ANO2: variants seen among roughly 807,000 people sequenced by gnomAD.
The protein encoded by ANO2 is anoctamin 2, also known as anoctamin-2.
ANO2 carries 101 observed loss-of-function variants against 124.2 expected under a neutral mutation model. The observed-to-expected ratio is 0.81, with a 90% CI of 0.69 to 0.96. ANO2 has a LOEUF of 0.96. Among genes scored for constraint, ANO2 ranks in the 40% least tolerant of loss-of-function variants. The probability of loss-of-function intolerance (pLI) is 0.00; values close to 1 mark genes in which losing one functional copy is unlikely to be tolerated. For missense variants in ANO2, 1,293 were observed against 1,274.5 expected (o/e 1.01, Z -0.22); for synonymous variants, 486 against 482.5 (o/e 1.01, Z -0.09).
At chr12:5,822,164 G>A (rs1412689033) in intron 7 of ANO2, among the ~76,000 whole-genome samples, 1 of 152,220 alleles carries the variant, frequency 6.6e-6, no homozygotes, top group African/African-American at 2.4e-5. Flanking sequence ...CACTTTGCAA[G>A]CAAGGAGAAA....
intron 3 of ANO2, among the ~76,000 whole-genome samples, chr12:5,920,659 A>T (rs1228198331): frequency 6.6e-6 from 1 of 152,094 alleles, no homozygotes; most frequent in Non-Finnish European, 1.5e-5. Context: ...AGGTCGGGAG[A>T]TCGAGACCAT....
rs1472245537 is a variant in ANO2 at position 5,900,922 on chromosome 12, C to A, written c.534+20118G>T. On this transcript the variant is annotated intron_variant, in intron 3 of 24. Transcript: ENST00000682330. The surrounding 1 kb of genome is among the most constrained non-coding windows in gnomAD (Gnocchi z 4.2). ...GGTCTCAGTCTAGGTCATTCCCCTG[C>A]CGGCAGCACTTTGATGGCTTTTTGT... Among the ~76,000 whole-genome samples, 1 of 152,206 alleles carries A rather than the reference C, an allele frequency of 6.6e-6. No homozygotes were observed. Among genetic ancestry groups the A allele is most frequent in the Non-Finnish European group, 1.5e-5 (1 of 68,052 alleles).
At chr12:5,923,100 A>G (rs1234021700) in intron 1 of ANO2, among the ~76,000 whole-genome samples, 1 of 40,216 alleles carries the variant, frequency 2.5e-5, no homozygotes, top group African/African-American at 4.5e-5. Context: ...ACACGCACAC[A>G]CATACACACA....
chr12:5,732,452 G>T, intron 14 of ANO2, 68 bp downstream of exon 14: 1 of 1,396,624 alleles, frequency 7.2e-7, no homozygotes, highest in Non-Finnish European at 9.9e-7. Context: ...ACTAAGGCGT[G>T]CCAAACAAAA....
At chr12:5,629,241 C>T (rs1945577473) in intron 16 of ANO2, among the ~76,000 whole-genome samples, 1 of 152,220 alleles carries the variant, frequency 6.6e-6, no homozygotes, top group Admixed American at 6.5e-5. Flanking sequence ...GAAAAGGAGG[C>T]AGCAAGCCAA....
chr12:5,686,978 T>A (rs1948736539), intron 14 of ANO2, among the ~76,000 whole-genome samples: 1 of 152,188 alleles, frequency 6.6e-6, no homozygotes, highest in Non-Finnish European at 1.5e-5. Flanking sequence ...AGAGGACATA[T>A]GGGTGTGCAT....
At chr12:5,813,172 T>G (rs1385863877) in intron 7 of ANO2, among the ~76,000 whole-genome samples, 1 of 152,084 alleles carries the variant, frequency 6.6e-6, no homozygotes, top group East Asian at 1.9e-4. Flanking sequence ...ATGCCAAATG[T>G]TCATACAATA....
chr12:5,565,511 C>A, intron 24 of ANO2, 47 bp downstream of exon 24: 1 of 1,476,746 alleles, frequency 6.8e-7, no homozygotes. Flanking sequence ...TGTCCTTACT[C>A]CTGCAGCCCG....
intron 3 of ANO2, among the ~76,000 whole-genome samples, chr12:5,901,990 G>T (rs1328338231): frequency 1.3e-5 from 2 of 152,198 alleles, no homozygotes; most frequent in East Asian, 1.9e-4. Flanking sequence ...ATCTTAGGAA[G>T]AACTTCCTCC....
At chr12:5,932,257 A>T (rs1200319179) in intron 1 of ANO2, among the ~76,000 whole-genome samples, 1 of 151,258 alleles carries the variant, frequency 6.6e-6, no homozygotes, top group African/African-American at 2.4e-5. Flanking sequence ...AAGGTAGACT[A>T]GTAAGGAAGG....
chr12:5,696,942 G>A (rs1168104146), intron 14 of ANO2, among the ~76,000 whole-genome samples: 1 of 152,172 alleles, frequency 6.6e-6, no homozygotes, highest in Non-Finnish European at 1.5e-5. Context: ...AATAGGAACA[G>A]ATGGAAACTT....
chr12:5,670,113 C>T (rs2136985904), intron 14 of ANO2, among the ~76,000 whole-genome samples: 1 of 152,284 alleles, frequency 6.6e-6, no homozygotes. Flanking sequence ...ATTTGGAAAC[C>T]ATGGTTCTAG....
intron 19 of ANO2, among the ~76,000 whole-genome samples, chr12:5,606,961 A>C (rs1944250428): frequency 6.6e-6 from 1 of 152,178 alleles, no homozygotes. Context: ...GAATCAACTA[A>C]AGATGATAAA....
intron 3 of ANO2, among the ~76,000 whole-genome samples, chr12:5,857,793 G>C (rs1363423164): frequency 6.6e-6 from 1 of 151,950 alleles, no homozygotes; most frequent in African/African-American, 2.4e-5. Flanking sequence ...TAGATAGATA[G>C]ATAGATAGAT....
At chr12:5,733,061 C>A in intron 13 of ANO2, 1 of 674,514 alleles carries the variant, frequency 1.5e-6, no homozygotes, top group Non-Finnish European at 2.7e-6. Flanking sequence ...GCTGGAGAAA[C>A]AGATGTGCCC....
intron 10 of ANO2, among the ~76,000 whole-genome samples, chr12:5,773,574 C>T (rs1204805999): frequency 6.6e-6 from 1 of 152,210 alleles, no homozygotes; most frequent in African/African-American, 2.4e-5. Flanking sequence ...TCATCTTTAT[C>T]ATCGTGCTAA....
At chr12:5,927,886 G>A (rs1206316683) in intron 1 of ANO2, among the ~76,000 whole-genome samples, 5 of 152,142 alleles carry the variant, frequency 3.3e-5, no homozygotes, top group South Asian at 2.1e-4. Flanking sequence ...TGCATAGGCC[G>A]AGAGCTAGAA....
At chr12:5,807,396 TAA>T in intron 7 of ANO2, 28 bp from the exon 8 acceptor site, 5 of 1,545,312 alleles carry the variant, frequency 3.2e-6, no homozygotes, top group Non-Finnish European at 4.4e-6. Context: ...ATGAAAATAG[TAA>T]CTCTGGGGCA....
At position 5,690,362 on chromosome 12, in the gene ANO2, T is replaced by C. The variant is rs1040319059; in HGVS notation, c.1545+42158A>G. 4.6e-5 allele frequency among the ~76,000 whole-genome samples: 7 copies of C among 152,160 alleles called. No individual in the cohort carries two copies. The South Asian group carries it at 1.0e-3, about 23-fold the overall frequency. ...CTTAAAAAAACAAAGCCAAATAAGA[T>C]TGGGTGCCCTGACACTGGGGGAGCC... On this transcript the variant is annotated intron_variant, in intron 14 of 24. Coordinates refer to ENST00000682330, the MANE Select transcript of ANO2 (RefSeq NM_001364791.2).
Sources: gnomAD v4.1 joint callset for allele counts (sites outside exome capture counted in the v4.1 genomes callset) on GRCh38, gnomAD v4.1.1 for gene constraint, Gnocchi (gnomAD v3.1) non-coding constraint, MANE v1.5 for transcripts, NCBI Gene and HGNC (gene_info 2026-07-23, HGNC 2026-07-21) for gene names.